CFAP58: variants seen among roughly 807,000 people sequenced by gnomAD.
The protein encoded by CFAP58 is cilia and flagella associated protein 58, also known as cilia- and flagella-associated protein 58.
Under a neutral mutation model 119.5 loss-of-function variants are expected in CFAP58, and 88 were observed. That is an observed-to-expected ratio of 0.74 (90% confidence interval 0.62 to 0.88). The LOEUF (loss-of-function observed/expected upper bound fraction) is 0.88. Ranked by LOEUF, CFAP58 falls within the 40% of genes least tolerant of loss-of-function variation. The pLI, the probability that CFAP58 is intolerant of heterozygous loss-of-function variation, is 0.00. For synonymous variants in CFAP58, 365 were observed against 366.3 expected (o/e 1.00, Z 0.04); for missense variants, 990 against 1,021.2 (o/e 0.97, Z 0.42).
rs772116749 is a variant in CFAP58, at chr10:104,358,492, A to G, written c.161A>G (p.Tyr54Cys). The G allele has an allele frequency of 9.3e-6, 15 of 1,614,138 alleles. No homozygotes were observed. Among genetic ancestry groups the G allele is most frequent in the East Asian group, 2.2e-5 (1 of 44,880 alleles). The change falls in exon 2 of 18, where the codon TAT (tyrosine) becomes TGT (cysteine). Residue 54 changes from tyrosine (Y) to cysteine (C), a missense_variant. Tyr to Cys is a radical substitution (Grantham distance 194). Transcript: ENST00000369704. ...CTTCATGCTGTCATGAAAAAGTCTTATGACAATGAAAAGCGTCTGATGGCC... is the reference window on the plus strand; with the variant it reads ...CTTCATGCTGTCATGAAAAAGTCTTGTGACAATGAAAAGCGTCTGATGGCC... Reference protein sequence around the residue: ...ERLHAVMKKSYDNEKRLMAKC... With the variant: ...ERLHAVMKKSCDNEKRLMAKC...
chr10:104,447,879 G>GGAC (rs1236966630), intron 16 of CFAP58, 62 bp downstream of exon 16: 22 of 1,510,516 alleles, frequency 1.5e-5, no homozygotes, highest in Admixed American at 1.1e-4. Context: ...GAGCACACCT[G>GGAC]GACAAGTCCA....
intron 7 of CFAP58, among the ~76,000 whole-genome samples, chr10:104,374,913 G>T (rs1328922923): frequency 1.3e-5 from 2 of 150,458 alleles, no homozygotes; most frequent in African/African-American, 2.4e-5. Context: ...AATAAATTAT[G>T]TATTTTCACA....
At chr10:104,362,595 A>G (rs906843170) in intron 3 of CFAP58, among the ~76,000 whole-genome samples, 4 of 151,882 alleles carry the variant, frequency 2.6e-5, no homozygotes, top group Admixed American at 6.5e-5. Context: ...CTGCTCCCCC[A>G]TCTCTTAAAG....
the CFAP58 span, among the ~76,000 whole-genome samples, chr10:104,342,844 CAAAAAAAAA>C: frequency 2.1e-5 from 1 of 48,502 alleles, no homozygotes; most frequent in Non-Finnish European, 3.7e-5. Context: ...GACCCTGTAT[CAAAAAAAAA>C]AAAAAAAAAA....
chr10:104,424,521 A>T (rs542028071), intron 15 of CFAP58, among the ~76,000 whole-genome samples: 1 of 152,314 alleles, frequency 6.6e-6, no homozygotes, highest in South Asian at 2.1e-4. Context: ...AGAAGTTTGT[A>T]AGACACAAAG....
rs543390528 is a variant in CFAP58, at chr10:104,361,338, A to C, written c.292-685A>C. 2.2e-3 allele frequency among the ~76,000 whole-genome samples: 340 copies of C among 152,354 alleles called. 2 individuals carry two copies. Among genetic ancestry groups the C allele is most frequent in the Non-Finnish European group, 3.6e-3 (248 of 68,032 alleles). On this transcript the variant is annotated intron_variant, in intron 2 of 17. Transcript: ENST00000369704. ...AGAAGGCTTGGGCTTCAGTTTCTGA[A>C]AAATGGGAATTACCAAGGTTGTTGG...
At chr10:104,435,903 G>C (rs1370002026) in intron 15 of CFAP58, among the ~76,000 whole-genome samples, 1 of 152,114 alleles carries the variant, frequency 6.6e-6, no homozygotes, top group Non-Finnish European at 1.5e-5. Flanking sequence ...TCTGCCTGAA[G>C]CCTGCTCCTT....
intron 15 of CFAP58, among the ~76,000 whole-genome samples, chr10:104,408,512 T>C (rs546488725): frequency 3.9e-5 from 6 of 152,336 alleles, no homozygotes; most frequent in African/African-American, 1.4e-4. Context: ...GGTTAAGTGC[T>C]AGGGTGGGAC....
At chr10:104,413,505 C>A (rs1228476677) in intron 15 of CFAP58, among the ~76,000 whole-genome samples, 3 of 152,184 alleles carry the variant, frequency 2.0e-5, no homozygotes, top group Non-Finnish European at 4.4e-5. Context: ...AAGCTACTCT[C>A]CCCTTCAGAG....
chr10:104,413,591 C>T (rs936976328), intron 15 of CFAP58, among the ~76,000 whole-genome samples: 1 of 152,074 alleles, frequency 6.6e-6, no homozygotes, highest in African/African-American at 2.4e-5. Context: ...TCATTTGTTC[C>T]TCCTCTCATC....
intron 16 of CFAP58, among the ~76,000 whole-genome samples, chr10:104,449,640 A>C (rs2013164004): frequency 6.6e-6 from 1 of 152,022 alleles, no homozygotes; most frequent in Non-Finnish European, 1.5e-5. Flanking sequence ...CTTCAGAATA[A>C]TTTTTTTCAT....
At chr10:104,389,733 G>T (rs1433211089) in intron 9 of CFAP58, among the ~76,000 whole-genome samples, 1 of 152,070 alleles carries the variant, frequency 6.6e-6, no homozygotes, top group Non-Finnish European at 1.5e-5. Context: ...GCCATAGATG[G>T]GTCCTCAGTA....
At chr10:104,427,968 T>C (rs985601412) in intron 15 of CFAP58, among the ~76,000 whole-genome samples, 1 of 152,184 alleles carries the variant, frequency 6.6e-6, no homozygotes, top group African/African-American at 2.4e-5. Context: ...GAGTGGGTAG[T>C]GTGCTGTTGA....
chr10:104,399,562 C>T (rs1427957100), intron 12 of CFAP58, 62 bp downstream of exon 12: 2 of 1,545,924 alleles, frequency 1.3e-6, no homozygotes, highest in African/African-American at 1.4e-5. Flanking sequence ...TTAATTCCAC[C>T]CTTCGAAACT....
chr10:104,379,180 C>G (rs966342565), intron 8 of CFAP58, among the ~76,000 whole-genome samples: 1 of 152,056 alleles, frequency 6.6e-6, no homozygotes, highest in Non-Finnish European at 1.5e-5. Context: ...ATCCCCCGCT[C>G]CTCCCACCCC....
chr10:104,362,631 T>A (rs1404631388), intron 3 of CFAP58, among the ~76,000 whole-genome samples: 1 of 152,192 alleles, frequency 6.6e-6, no homozygotes, highest in Non-Finnish European at 1.5e-5. Flanking sequence ...CTTGGTCTTC[T>A]AAGCATGGCC....
In CFAP58 at chr10:104,393,376, G is replaced by C. The variant is rs2012089909; in HGVS notation, c.1575G>C (p.Gln525His). 6.2e-7 allele frequency: 1 copy of C among 1,613,838 alleles called. No homozygotes were observed. Among genetic ancestry groups the C allele is most frequent in the African/African-American group, 1.3e-5 (1 of 74,936 alleles). Reference protein sequence around the residue: ...MKRKLKIMIHQVDELKEDISA... With the variant: ...MKRKLKIMIHHVDELKEDISA... Reference sequence around the variant, plus strand: ...GAAAGTTAAAGATTATGATCCATCAGGTAGATGAGCTGAAAGAAGACATCT... The same window carrying C: ...GAAAGTTAAAGATTATGATCCATCACGTAGATGAGCTGAAAGAAGACATCT... The change falls in exon 11 of 18, where the codon CAG becomes CAC. Residue 525 changes from glutamine (Q) to histidine (H), a missense_variant. Coordinates refer to ENST00000369704, the MANE Select transcript of CFAP58 (RefSeq NM_001008723.2).
intron 13 of CFAP58, 121 bp downstream of exon 13, chr10:104,401,024 T>A: frequency 2.9e-6 from 2 of 679,512 alleles, no homozygotes; most frequent in Non-Finnish European, 5.0e-6. Flanking sequence ...AAATGAAGTT[T>A]ACAGGATGAA....
At position 104,454,541 on chromosome 10, in the gene CFAP58, C is replaced by A; in HGVS notation, c.*11C>A. The A allele has an allele frequency of 6.3e-7, 1 of 1,594,020 alleles. No homozygotes were observed. Among genetic ancestry groups the A allele is most frequent in the Non-Finnish European group, 8.6e-7 (1 of 1,162,024 alleles). On this transcript the variant is annotated 3_prime_UTR_variant, in exon 18 of 18. Transcript: ENST00000369704. The stretch of plus-strand genomic sequence containing the variant: ...AAAATGACGTTCTAACCTGAAGCTG[C>A]TGGCTGTTTCCAGTTGAACAACTCA...
Sources: allele counts gnomAD v4.1 joint callset (sites outside exome capture counted in the v4.1 genomes callset), GRCh38; gene constraint gnomAD v4.1.1; transcripts MANE v1.5; gene names NCBI Gene and HGNC (gene_info 2026-07-23, HGNC 2026-07-21).